The following NCOA2 variants were observed in gnomAD, a reference collection of about 807,000 sequenced individuals.
The protein encoded by NCOA2 is nuclear receptor coactivator 2, also known as class E basic helix-loop-helix protein 75.
Under a neutral mutation model 145.1 loss-of-function variants are expected in NCOA2, and 21 were observed. The ratio of observed to expected loss-of-function variants is 0.14; its 90% CI spans 0.10 to 0.21. The LOEUF (loss-of-function observed/expected upper bound fraction) is 0.21, where lower values mean the gene tolerates loss of function less well. NCOA2 is among the 10% of genes least tolerant of loss of function. The pLI, the probability that NCOA2 is intolerant of heterozygous loss-of-function variation, is 1.00. For synonymous variants in NCOA2, 619 were observed against 637.5 expected (o/e 0.97, Z 0.44); for missense variants, 1,472 against 1,837.6 (o/e 0.80, Z 3.64).
intron 4 of NCOA2, among the ~76,000 whole-genome samples, chr8:70,208,693 G>A (rs1818718977): frequency 6.6e-6 from 1 of 152,172 alleles, no homozygotes; most frequent in Non-Finnish European, 1.5e-5. Flanking sequence ...AATCTACTCT[G>A]CCTGTGCCCT....
chr8:70,448,919 C>T, the NCOA2 span, among the ~76,000 whole-genome samples: 65 of 152,024 alleles, frequency 4.3e-4, no homozygotes, highest in Admixed American at 1.8e-3. Context: ...ACCCTCCCAC[C>T]TTAGTCTCCT....
the NCOA2 span, among the ~76,000 whole-genome samples, chr8:70,454,061 T>C: frequency 6.6e-6 from 1 of 152,224 alleles, no homozygotes; most frequent in Non-Finnish European, 1.5e-5. Flanking sequence ...ATGGTGCCCA[T>C]TGACTAAGCC....
chr8:70,439,935 A>G, the NCOA2 span, among the ~76,000 whole-genome samples: 1 of 152,192 alleles, frequency 6.6e-6, no homozygotes, highest in Non-Finnish European at 1.5e-5. Context: ...TCAGTACCTC[A>G]AAATTAAGAC....
At chr8:70,118,373 G>A (rs184527558) in intron 22 of NCOA2, among the ~76,000 whole-genome samples, 1 of 152,244 alleles carries the variant, frequency 6.6e-6, no homozygotes, top group East Asian at 1.9e-4. Flanking sequence ...ACTGAGTTGT[G>A]TGGCCACTCA....
the NCOA2 span, among the ~76,000 whole-genome samples, chr8:70,413,965 G>A: frequency 3.9e-5 from 6 of 152,170 alleles, no homozygotes; most frequent in African/African-American, 1.2e-4. Flanking sequence ...CTCTTAAACC[G>A]AGTGGTAGGT....
At chr8:70,456,232 T>C in the NCOA2 span, among the ~76,000 whole-genome samples, 2 of 152,322 alleles carry the variant, frequency 1.3e-5, no homozygotes, top group East Asian at 3.9e-4. Context: ...ACTAACATTC[T>C]ACACGTCTAA....
chr8:70,130,303 A>G (rs1281200823), intron 16 of NCOA2, among the ~76,000 whole-genome samples: 2 of 152,240 alleles, frequency 1.3e-5, no homozygotes, highest in African/African-American at 4.8e-5. Context: ...TATTATAATG[A>G]TGGTGGATTT....
intron 2 of NCOA2, among the ~76,000 whole-genome samples, chr8:70,279,183 C>T (rs1197284326): frequency 6.6e-6 from 1 of 152,180 alleles, no homozygotes; most frequent in Non-Finnish European, 1.5e-5. Context: ...GCTCCCTCTT[C>T]TCACCACTGA....
At chr8:70,343,260 C>T (rs545323286) in intron 1 of NCOA2, among the ~76,000 whole-genome samples, 4 of 152,246 alleles carry the variant, frequency 2.6e-5, no homozygotes, top group African/African-American at 9.6e-5. Flanking sequence ...CTACTTATGC[C>T]TTTTCAGGTT....
At chr8:70,374,821 G>C (rs1413047528) in intron 1 of NCOA2, among the ~76,000 whole-genome samples, 1 of 150,040 alleles carries the variant, frequency 6.7e-6, no homozygotes, top group Non-Finnish European at 1.5e-5. Flanking sequence ...AGAAAGAAAA[G>C]TGAAAGCATA....
intron 1 of NCOA2, among the ~76,000 whole-genome samples, chr8:70,356,456 A>G (rs1238599371): frequency 1.3e-5 from 2 of 152,256 alleles, no homozygotes; most frequent in Admixed American, 1.3e-4. Flanking sequence ...ACCATGAATT[A>G]TGACAAATTG....
At chr8:70,206,081 G>C (rs2133695623) in intron 4 of NCOA2, among the ~76,000 whole-genome samples, 1 of 152,240 alleles carries the variant, frequency 6.6e-6, no homozygotes, top group East Asian at 1.9e-4. Flanking sequence ...GAGTAGGACA[G>C]AAGGTAAGGA....
At chr8:70,258,144 T>C (rs1003029550) in intron 2 of NCOA2, among the ~76,000 whole-genome samples, 5 of 152,144 alleles carry the variant, frequency 3.3e-5, no homozygotes, top group African/African-American at 9.7e-5. Flanking sequence ...CTTTAACTCA[T>C]GAGCTCAAGT....
At chr8:70,430,653 G>A in the NCOA2 span, among the ~76,000 whole-genome samples, 1 of 151,984 alleles carries the variant, frequency 6.6e-6, no homozygotes, top group Non-Finnish European at 1.5e-5. Flanking sequence ...TAATCTGTAA[G>A]GAAAACAAAA....
At chr8:70,199,991 G>T (rs932717097) in intron 4 of NCOA2, among the ~76,000 whole-genome samples, 1 of 152,118 alleles carries the variant, frequency 6.6e-6, no homozygotes, top group African/African-American at 2.4e-5. Flanking sequence ...TACCAAACAT[G>T]AACAAGCTTT....
chr8:70,141,392 A>T lies in NCOA2; in HGVS notation c.2820T>A (p.Ile940=). 1 of 1,613,706 alleles carries T rather than the reference A, an allele frequency of 6.2e-7. No individual in the cohort carries two copies. Among genetic ancestry groups the T allele is most frequent in the Non-Finnish European group, 8.5e-7 (1 of 1,179,782 alleles). The change falls in exon 14 of 23, where the codon ATT becomes ATA. Residue 940 remains isoleucine, a synonymous_variant. Coordinates refer to ENST00000452400, the MANE Select transcript of NCOA2 (RefSeq NM_006540.4). ...TAGTAGGCCGAGAAGCACTGTTACC[A>T]ATCATTCCTGCATGCAAGCCAAAGA... The part of the protein sequence containing the change: ...GNLGNSSTGM[I]GNSASRPTMP...
intron 2 of NCOA2, among the ~76,000 whole-genome samples, chr8:70,230,024 T>G (rs569835856): frequency 7.3e-4 from 111 of 152,328 alleles, no homozygotes; most frequent in East Asian, 1.4e-3. Context: ...GGCACTTACT[T>G]TGTAGAGTCT....
intron 2 of NCOA2, among the ~76,000 whole-genome samples, chr8:70,238,784 A>T (rs1821873572): frequency 6.6e-6 from 1 of 152,166 alleles, no homozygotes; most frequent in Admixed American, 6.6e-5. Flanking sequence ...CGTTCTCAGC[A>T]GCTCCAGGTG....
chr8:70,403,111 C>G (rs1314645216), intron 1 of NCOA2, among the ~76,000 whole-genome samples: 1 of 150,442 alleles, frequency 6.6e-6, no homozygotes, highest in Admixed American at 6.6e-5. Flanking sequence ...CAGCACTTCC[C>G]GAGTCCTGCC....
Sources: gnomAD v4.1 joint callset for allele counts (sites outside exome capture counted in the v4.1 genomes callset) on GRCh38, gnomAD v4.1.1 for gene constraint, MANE v1.5 for transcripts, NCBI Gene and HGNC (gene_info 2026-07-23, HGNC 2026-07-21) for gene names.